The following TFDP2 variants were observed in gnomAD, a reference collection of about 807,000 sequenced individuals.
The protein encoded by TFDP2 is transcription factor Dp-2.
A neutral mutation model predicts 59.3 loss-of-function variants in TFDP2; 17 were observed. That is an observed-to-expected ratio of 0.29 (90% CI 0.20 to 0.43). TFDP2 has a LOEUF of 0.43. Among genes scored for constraint, TFDP2 ranks in the 20% least tolerant of loss-of-function variants. The pLI, the probability that TFDP2 is intolerant of heterozygous loss-of-function variation, is 1.00. For synonymous variants in TFDP2, 180 were observed against 194.7 expected (o/e 0.92, Z 0.63); for missense variants, 391 against 528.8 (o/e 0.74, Z 2.56).
intron 2 of TFDP2, among the ~76,000 whole-genome samples, chr3:142,101,370 A>T (rs78008455): frequency 0.012 from 1,820 of 152,040 alleles, 37 homozygotes; most frequent in African/African-American, 0.042. Flanking sequence ...AAAAAAAAAA[A>T]AAAATAAGCC....
At chr3:142,128,557 T>C (rs1161427616) in intron 1 of TFDP2, among the ~76,000 whole-genome samples, 2 of 151,934 alleles carry the variant, frequency 1.3e-5, no homozygotes, top group East Asian at 3.9e-4. Flanking sequence ...TCTGAACAGA[T>C]GGCCAAAGTT....
Position 142,139,666 on chromosome 3 carries a change from ATTTTC to A in TFDP2, c.-93+9512_-93+9516del, listed in dbSNP as rs531186321. 5.5e-3 allele frequency among the ~76,000 whole-genome samples: 832 copies of A among 152,068 alleles called. 4 individuals are homozygous for A. The highest frequency in any genetic ancestry group is 8.6e-3 in the Admixed American group (131 of 15,274). On this transcript the variant is annotated intron_variant, in intron 1 of 12. Coordinates refer to ENST00000489671, the MANE Select transcript of TFDP2 (RefSeq NM_001178139.2). ...GATATGAGATTCTGGGTTGAAAATT[ATTTTC>A]TTTAAGAATGTTGAATAATGGCCCC...
At chr3:142,081,032 C>T (rs373069674) in intron 3 of TFDP2, among the ~76,000 whole-genome samples, 3 of 152,340 alleles carry the variant, frequency 2.0e-5, no homozygotes, top group Non-Finnish European at 4.4e-5. Context: ...CTGCACAATA[C>T]ACATTCTTTT....
At chr3:142,092,481 C>T (rs572831039) in intron 3 of TFDP2, among the ~76,000 whole-genome samples, 28 of 152,172 alleles carry the variant, frequency 1.8e-4, no homozygotes, top group African/African-American at 6.0e-4. Context: ...TACACATCAC[C>T]ATGCCCGGCT....
At chr3:141,983,787 A>G (rs1941752385) in intron 6 of TFDP2, among the ~76,000 whole-genome samples, 1 of 152,168 alleles carries the variant, frequency 6.6e-6, no homozygotes, top group South Asian at 2.1e-4. Flanking sequence ...AATGGCTATT[A>G]AAAAAACAAA....
chr3:142,013,976 A>G (rs556845811), intron 3 of TFDP2, among the ~76,000 whole-genome samples: 59 of 152,262 alleles, frequency 3.9e-4, no homozygotes, highest in African/African-American at 1.4e-3. Context: ...TTCTTCACCC[A>G]AGCCTACATC....
intron 8 of TFDP2, among the ~76,000 whole-genome samples, chr3:141,971,841 G>A (rs571253805): frequency 5.3e-5 from 8 of 152,252 alleles, no homozygotes; most frequent in Non-Finnish European, 1.2e-4. Flanking sequence ...CGCCTTTGCT[G>A]CTTCTCTATC....
At chr3:142,112,266 A>C (rs1045108349) in intron 1 of TFDP2, among the ~76,000 whole-genome samples, 3 of 152,180 alleles carry the variant, frequency 2.0e-5, no homozygotes, top group African/African-American at 7.2e-5. Flanking sequence ...TTTCTTGACT[A>C]TACCAAATAA....
chr3:142,056,424 T>C (rs1205627157), intron 3 of TFDP2, among the ~76,000 whole-genome samples: 3 of 151,642 alleles, frequency 2.0e-5, no homozygotes, highest in Non-Finnish European at 4.4e-5. Context: ...AGAAGCGGGA[T>C]AGCACAGGGT....
intron 9 of TFDP2, among the ~76,000 whole-genome samples, chr3:141,967,275 T>C (rs2107938105): frequency 6.6e-6 from 1 of 150,596 alleles, no homozygotes; most frequent in East Asian, 2.0e-4. Context: ...ACTGAAATGC[T>C]AGGAGGAAAT....
intron 3 of TFDP2, among the ~76,000 whole-genome samples, chr3:142,084,155 A>C (rs928931927): frequency 1.3e-5 from 2 of 152,228 alleles, no homozygotes; most frequent in South Asian, 4.1e-4. Context: ...TTCAATTAAA[A>C]AATGGGCAAA....
chr3:141,952,453 G>A lies in TFDP2; in HGVS notation c.*60C>T. On this transcript the variant is annotated 3_prime_UTR_variant, in exon 13 of 13. Coordinates refer to ENST00000489671, the MANE Select transcript of TFDP2 (RefSeq NM_001178139.2). ...ACTGAAGCAATCATTTCAAAAACAA[G>A]AGCTCACACTACAAACACACATGAG... 8 of 1,428,340 alleles carry A rather than the reference G, an allele frequency of 5.6e-6. No homozygotes were observed. The highest frequency in any genetic ancestry group is 7.4e-6 in the Non-Finnish European group (8 of 1,082,272). The allele number at this position is 1,428,340 out of a possible 1,614,324, so 88.5% of individuals were successfully genotyped here.
At chr3:142,077,998 C>A (rs1343368797) in intron 3 of TFDP2, among the ~76,000 whole-genome samples, 1 of 152,148 alleles carries the variant, frequency 6.6e-6, no homozygotes, top group African/African-American at 2.4e-5. Flanking sequence ...CACAAGCTGA[C>A]TGAAGAGCCC....
chr3:142,091,943 C>A (rs113359281), intron 3 of TFDP2, among the ~76,000 whole-genome samples: 2 of 152,102 alleles, frequency 1.3e-5, no homozygotes, highest in African/African-American at 2.4e-5. Flanking sequence ...CTCTAGAGTA[C>A]GTCTCCCACC....
At chr3:141,957,173 C>G (rs929745215) in intron 11 of TFDP2, among the ~76,000 whole-genome samples, 1 of 152,024 alleles carries the variant, frequency 6.6e-6, no homozygotes, top group Non-Finnish European at 1.5e-5. Context: ...CAAAACTAAC[C>G]GGGCATAGCG....
At chr3:141,961,322 C>T (rs1454127162) in intron 10 of TFDP2, among the ~76,000 whole-genome samples, 1 of 143,576 alleles carries the variant, frequency 7.0e-6, no homozygotes, top group African/African-American at 2.6e-5. Context: ...CGGCTCAATG[C>T]AAACTTCACC....
chr3:142,110,781 A>C (rs985511127), intron 1 of TFDP2, among the ~76,000 whole-genome samples: 1 of 151,618 alleles, frequency 6.6e-6, no homozygotes, highest in African/African-American at 2.4e-5. Flanking sequence ...GTATGATCCT[A>C]TCTCTCAAAA....
At chr3:142,124,616 CG>C (rs1313182599) in intron 1 of TFDP2, among the ~76,000 whole-genome samples, 2 of 152,064 alleles carry the variant, frequency 1.3e-5, no homozygotes, top group Non-Finnish European at 2.9e-5. Context: ...GAAGAAAACA[CG>C]GAAGTTAAAT....
chr3:141,964,944 C>A (rs921406347), intron 9 of TFDP2, among the ~76,000 whole-genome samples: 2 of 152,120 alleles, frequency 1.3e-5, no homozygotes, highest in African/African-American at 4.8e-5. Flanking sequence ...TAGTTATAAC[C>A]ATTACTCAAA....
Sources: gnomAD v4.1 joint callset for allele counts (sites outside exome capture counted in the v4.1 genomes callset) on GRCh38, gnomAD v4.1.1 for gene constraint, MANE v1.5 for transcripts, NCBI Gene and HGNC (gene_info 2026-07-23, HGNC 2026-07-21) for gene names.